SGCE: variants seen among roughly 807,000 people sequenced by gnomAD.
SGCE encodes the protein sarcoglycan epsilon, also known as epsilon-sarcoglycan.
Under a neutral mutation model 57.8 loss-of-function variants are expected in SGCE, and 26 were observed. The ratio of observed to expected loss-of-function variants is 0.45; its 90% confidence interval spans 0.33 to 0.62. SGCE has a LOEUF of 0.62. SGCE is among the 20% of genes least tolerant of loss of function. The pLI, the probability that SGCE is intolerant of heterozygous loss-of-function variation, is 0.02. For synonymous variants in SGCE, 183 were observed against 189.5 expected (o/e 0.97, Z 0.28); for missense variants, 468 against 548.6 (o/e 0.85, Z 1.47).
chr7:94,641,474 G>A (rs546323012), intron 1 of SGCE, among the ~76,000 whole-genome samples: 1 of 152,112 alleles, frequency 6.6e-6, no homozygotes, highest in Admixed American at 6.5e-5. Context: ...AGATGTAAGG[G>A]GGGAAGAGAT....
At chr7:94,617,825 T>C (rs1417389629) in intron 5 of SGCE, 1 of 152,200 alleles carries the variant, frequency 6.6e-6, no homozygotes, top group African/African-American at 2.4e-5. Context: ...GTGTACATAG[T>C]TCTCCTTTAA....
At chr7:94,602,864 T>A (rs972144448) in intron 6 of SGCE, among the ~76,000 whole-genome samples, 1 of 152,202 alleles carries the variant, frequency 6.6e-6, no homozygotes, top group Non-Finnish European at 1.5e-5. Flanking sequence ...ATTTGAGTTG[T>A]CAGAACATTA....
chr7:94,608,553 G>T (rs1002171541), intron 5 of SGCE, among the ~76,000 whole-genome samples: 1 of 152,112 alleles, frequency 6.6e-6, no homozygotes. Context: ...AAGTTAATTT[G>T]CAGATATTAA....
chr7:94,586,865 A>G, intron 10 of SGCE: 1 of 985,264 alleles, frequency 1.0e-6, no homozygotes, highest in Middle Eastern at 5.2e-4. Flanking sequence ...ATAAAAAAAA[A>G]TGCTAGGGTG....
rs191515743 is a variant in SGCE at position 94,610,514 on chromosome 7, C to T, written c.663-7062G>A. On this transcript the variant is annotated intron_variant, in intron 5 of 10. Transcript: ENST00000648936. ...TAAAAATTCTCTTAAAAATAGTATA[C>T]GCACAAAAAAATCAAAGACTTTAAG... Among the ~76,000 whole-genome samples the T allele has an allele frequency of 1.0e-3, 154 of 152,068 alleles. 1 individual carries two copies. The highest frequency in any genetic ancestry group is 1.7e-3 in the Non-Finnish European group (117 of 67,980).
rs968874667 is a variant in SGCE at position 94,598,921 on chromosome 7, C to T, written c.1107G>A (p.Lys369=). 2.5e-6 allele frequency: 4 copies of T among 1,613,862 alleles called. No individual in the cohort carries two copies. In the African/African-American group the frequency reaches 5.3e-5, roughly 22 times the overall value. Residue 369 remains lysine (K), a synonymous_variant, in exon 9 of 11, where the codon AAG becomes AAA. Coordinates refer to ENST00000648936, the MANE Select transcript of SGCE (RefSeq NM_003919.3). The stretch of plus-strand genomic sequence containing the variant: ...TATTCTTGGACATGTCTCGAAGCTC[C>T]TTGGTAGATTTCTGAATAGCACTGT... ...VHHSAIQKST[K]ELRDMSKNRE...
At chr7:94,641,807 G>T (rs149951680) in intron 1 of SGCE, among the ~76,000 whole-genome samples, 55 of 152,170 alleles carry the variant, frequency 3.6e-4, no homozygotes, top group Non-Finnish European at 6.0e-4. Flanking sequence ...ATTATTAGTA[G>T]TAGTAGTAGT....
chr7:94,652,142 T>C (rs1479277347), intron 1 of SGCE, among the ~76,000 whole-genome samples: 1 of 152,084 alleles, frequency 6.6e-6, no homozygotes, highest in Non-Finnish European at 1.5e-5. Flanking sequence ...GCCATCATAT[T>C]GATATTTCTG....
At chr7:94,595,642 A>G (rs906706139) in intron 9 of SGCE, among the ~76,000 whole-genome samples, 1 of 152,122 alleles carries the variant, frequency 6.6e-6, no homozygotes, top group African/African-American at 2.4e-5. Context: ...CAAATGACCA[A>G]AATATTTGTG....
At chr7:94,653,588 A>C (rs1025294966) in intron 1 of SGCE, among the ~76,000 whole-genome samples, 3 of 152,106 alleles carry the variant, frequency 2.0e-5, no homozygotes, top group Non-Finnish European at 2.9e-5. Flanking sequence ...TCTAGACAAC[A>C]CAAAAATGTT....
chr7:94,648,410 T>G (rs1807421565), intron 1 of SGCE, among the ~76,000 whole-genome samples: 1 of 138,586 alleles, frequency 7.2e-6, no homozygotes, highest in South Asian at 2.5e-4. Context: ...AATTACTAAT[T>G]AGTAAAGATG....
chr7:94,645,085 T>C (rs906865229), intron 1 of SGCE, among the ~76,000 whole-genome samples: 3 of 152,164 alleles, frequency 2.0e-5, no homozygotes, highest in African/African-American at 4.8e-5. Context: ...GTTTACTAAG[T>C]GGCAGAGTTG....
chr7:94,618,508 A>C (rs1584636174), intron 5 of SGCE: 1 of 448,686 alleles, frequency 2.2e-6, no homozygotes, highest in South Asian at 3.0e-5. Flanking sequence ...CAAAAGACTT[A>C]GTGCTATAAT....
In SGCE at chr7:94,646,634, T is replaced by C. The variant is rs976887259; in HGVS notation, c.109+9356A>G. 3.3e-5 allele frequency among the ~76,000 whole-genome samples: 5 copies of C among 152,072 alleles called. No homozygotes were observed. The East Asian group carries it at 9.6e-4, about 29-fold the overall frequency. Reference sequence around the variant, plus strand: ...AATACAAAACAGTATACAGGCACTATAAAATCTAGTGTAATAGTGCAATCT... The same window carrying C: ...AATACAAAACAGTATACAGGCACTACAAAATCTAGTGTAATAGTGCAATCT... On this transcript the variant is annotated intron_variant, in intron 1 of 10. Coordinates refer to ENST00000648936, the MANE Select transcript of SGCE (RefSeq NM_003919.3).
At chr7:94,596,204 T>G (rs555467362) in intron 9 of SGCE, among the ~76,000 whole-genome samples, 9 of 152,228 alleles carry the variant, frequency 5.9e-5, no homozygotes, top group African/African-American at 2.2e-4. Flanking sequence ...AAAGATCCAT[T>G]TGGTGTAAAC....
At chr7:94,644,951 G>A (rs1806863475) in intron 1 of SGCE, among the ~76,000 whole-genome samples, 1 of 152,126 alleles carries the variant, frequency 6.6e-6, no homozygotes, top group Admixed American at 6.5e-5. Flanking sequence ...ACTACACCAA[G>A]GGTTGTACAC....
chr7:94,588,327 C>G (rs1464899932), intron 10 of SGCE: 13 of 1,079,080 alleles, frequency 1.2e-5, no homozygotes, highest in Middle Eastern at 4.4e-4. Context: ...GAGCTTGAAA[C>G]TTCAAGCTGC....
chr7:94,614,163 A>T lies in SGCE; in HGVS notation c.662+4595T>A, dbSNP rs78842213. On this transcript the variant is annotated intron_variant, in intron 5 of 10. Transcript: ENST00000648936. ...AATGTCATAGTTCTCATCATTAGAG[A>T]GGGGAAAGCATGACTATTCCTTAGA... 1.3e-4 allele frequency among the ~76,000 whole-genome samples: 20 copies of T among 150,720 alleles called. No individual in the cohort carries two copies. The East Asian group carries it at 3.9e-3, about 30-fold the overall frequency.
intron 1 of SGCE, among the ~76,000 whole-genome samples, chr7:94,655,269 C>T (rs1331058497): frequency 6.6e-6 from 1 of 152,198 alleles, no homozygotes; most frequent in Non-Finnish European, 1.5e-5. Context: ...ACACTGGAAG[C>T]ATCCACAGCT....
Sources: gnomAD v4.1 joint callset for allele counts (sites outside exome capture counted in the v4.1 genomes callset) on GRCh38, gnomAD v4.1.1 for gene constraint, MANE v1.5 for transcripts, NCBI Gene and HGNC (gene_info 2026-07-23, HGNC 2026-07-21) for gene names.